DST: variants seen among roughly 807,000 people sequenced by gnomAD.
The protein encoded by DST is dystonin, also known as bullous pemphigoid antigen.
Under a neutral mutation model 875.2 loss-of-function variants are expected in DST, and 253 were observed. That is an observed-to-expected ratio of 0.29 (90% CI 0.26 to 0.32). The LOEUF (loss-of-function observed/expected upper bound fraction) is 0.32. Among genes scored for constraint, DST ranks in the 10% least tolerant of loss-of-function variants. The probability of loss-of-function intolerance (pLI) is 1.00; values close to 1 mark genes in which losing one functional copy is unlikely to be tolerated. For synonymous variants in DST, 3,124 were observed against 3,197.1 expected, an observed-to-expected ratio of 0.98 and a Z score of 0.77; for missense variants, 8,287 against 9,111.6, an observed-to-expected ratio of 0.91 and a Z score of 3.68.
rs536597033 is a variant in DST at position 56,568,739 on chromosome 6, T to C, written c.13879-144A>G. On this transcript the variant is annotated intron_variant, in intron 54 of 103. Coordinates refer to ENST00000680361, the MANE Select transcript of DST (RefSeq NM_001374736.1). ...AGTCGATGAAAGAAAAAGGCACCTA[T>C]TTGTTCCCACAGCCCAGGTGACTGT... The C allele has an allele frequency of 1.2e-5, 9 of 722,668 alleles. No individual in the cohort carries two copies. In the African/African-American group the frequency reaches 1.4e-4, roughly 12 times the overall value. 44.8% of individuals were successfully genotyped at this position (722,668 alleles called of 1,614,324 possible).
chr6:56,512,656 T>C (rs1010400754), intron 72 of DST, among the ~76,000 whole-genome samples: 2 of 152,218 alleles, frequency 1.3e-5, no homozygotes, highest in Non-Finnish European at 2.9e-5. Flanking sequence ...GTCACCAGGA[T>C]GGCCACATAC....
At chr6:56,939,973 C>T (rs1387937513) in intron 2 of DST, among the ~76,000 whole-genome samples, 1 of 151,832 alleles carries the variant, frequency 6.6e-6, no homozygotes, top group Non-Finnish European at 1.5e-5. Context: ...TTGCAGTGAG[C>T]CGAGATCGTG....
At chr6:56,648,755 T>C (rs1326425546) in intron 12 of DST, 66 bp from the exon 13 acceptor site, 18 of 1,346,446 alleles carry the variant, frequency 1.3e-5, no homozygotes, top group Non-Finnish European at 1.8e-5. Context: ...CTAAGACAAT[T>C]TAGTCAGAAG....
intron 62 of DST, among the ~76,000 whole-genome samples, chr6:56,535,982 T>C (rs1263426357): frequency 2.6e-5 from 4 of 152,254 alleles, no homozygotes; most frequent in Non-Finnish European, 5.9e-5. Context: ...TAAGGTGCAC[T>C]ACACATATGT....
chr6:56,629,233 C>CA lies in DST; in HGVS notation c.4475+16dup, dbSNP rs375131811. 5.6e-5 allele frequency: 90 copies of CA among 1,613,024 alleles called. No individual in the cohort carries two copies. In the African/African-American group the frequency reaches 1.1e-3, roughly 19 times the overall value. ...ACATTAAATCTGTGCTAAAACTGAA[C>CA]AAAAAAGGATACTAACCTGTTGTCA... On this transcript the variant is annotated intron_variant, in intron 32 of 103. Transcript: ENST00000680361.
intron 2 of DST, among the ~76,000 whole-genome samples, chr6:56,914,809 A>T (rs1410177085): frequency 2.0e-5 from 3 of 152,242 alleles, no homozygotes; most frequent in Non-Finnish European, 4.4e-5. Flanking sequence ...TAATGGCAAA[A>T]CACTGGGCAA....
At chr6:56,631,435 T>C (rs1390162557) in intron 29 of DST, 46 bp from the exon 30 acceptor site, 2 of 1,537,258 alleles carry the variant, frequency 1.3e-6, no homozygotes, top group Non-Finnish European at 1.8e-6. Context: ...TCACCTGTGA[T>C]GAGGTGTTTT....
Position 56,511,299 on chromosome 6 carries a change from G to T in DST, c.18678C>A (p.Ile6226=), listed in dbSNP as rs757661237. 1 of 1,605,478 alleles carries T rather than the reference G, an allele frequency of 6.2e-7. No individual in the cohort carries two copies. Among genetic ancestry groups the T allele is most frequent in the Middle Eastern group, 1.7e-4 (1 of 6,056 alleles). ...LELSPGEGFS[I]QEKYVAADTL... is the part of the protein sequence containing the mutation. ...TGTCGGCTGCCACATACTTCTCTTG[G>T]ATAGAAAAGCCTTCCCCAGGGCTCA... Residue 6226 remains isoleucine (I), a synonymous_variant, in exon 73 of 104, where the codon ATC becomes ATA. Coordinates refer to ENST00000680361, the MANE Select transcript of DST (RefSeq NM_001374736.1).
At chr6:56,843,318 G>A (rs1056200676) in intron 4 of DST, 2 of 1,224,756 alleles carry the variant, frequency 1.6e-6, no homozygotes, top group Admixed American at 4.1e-5. Flanking sequence ...GGGGCTGCCG[G>A]CGCCAGGGCC....
At chr6:56,794,070 G>T (rs1313025224) in intron 4 of DST, among the ~76,000 whole-genome samples, 1 of 152,138 alleles carries the variant, frequency 6.6e-6, no homozygotes, top group South Asian at 2.1e-4. Context: ...TGCAACAGAA[G>T]AGTTTAAATA....
chr6:56,466,962 A>C (rs531459778), intron 98 of DST: 140 of 152,336 alleles, frequency 9.2e-4, no homozygotes, highest in African/African-American at 3.3e-3. Flanking sequence ...TTGCCCTTTC[A>C]ATAGATCTCC....
At chr6:56,738,040 T>C (rs2099532246) in intron 4 of DST, among the ~76,000 whole-genome samples, 1 of 152,212 alleles carries the variant, frequency 6.6e-6, no homozygotes, top group South Asian at 2.1e-4. Flanking sequence ...CCTACTTTAA[T>C]GCCAATAAGA....
At position 56,561,447 on chromosome 6, in the gene DST, G is replaced by C; in HGVS notation, c.14171C>G (p.Ser4724Cys). ...TTCTTCCTGAGCCTTTTGCAATTTG[G>C]AGAGTTTAGTGTTCAGTTCCGCTAT... is the stretch of plus-strand genomic sequence containing the variant. ...DKIAELNTKLSKLQKAQEESS... is the reference protein window; with the variant it reads ...DKIAELNTKLCKLQKAQEESS... Residue 4724 changes from serine to cysteine, a missense_variant, in exon 57 of 104, where the codon TCC becomes TGC. Transcript: ENST00000680361. The C allele has an allele frequency of 6.2e-7, 1 of 1,613,888 alleles. No homozygotes were observed. The highest frequency in any genetic ancestry group is 1.7e-5 in the Admixed American group (1 of 60,002).
chr6:56,660,324 G>C (rs2099032475), intron 10 of DST, among the ~76,000 whole-genome samples: 1 of 152,184 alleles, frequency 6.6e-6, no homozygotes, highest in Non-Finnish European at 1.5e-5. Context: ...AAAAGGGATT[G>C]TGTGGAAGTG....
chr6:56,510,702 T>C (rs1003367981), intron 73 of DST, among the ~76,000 whole-genome samples: 2 of 152,144 alleles, frequency 1.3e-5, no homozygotes, highest in Admixed American at 6.5e-5. Flanking sequence ...GAAAACCAAA[T>C]CTTGAAAATG....
At chr6:56,765,607 A>G (rs1403804815) in intron 4 of DST, among the ~76,000 whole-genome samples, 4 of 152,210 alleles carry the variant, frequency 2.6e-5, no homozygotes, top group African/African-American at 9.7e-5. Flanking sequence ...AGGTGATGAG[A>G]GGCAGCAAAA....
intron 5 of DST, among the ~76,000 whole-genome samples, chr6:56,706,255 A>C (rs2152885855): frequency 6.6e-6 from 1 of 151,956 alleles, no homozygotes. Context: ...CGGAGGTTGC[A>C]GTGGGCCGAG....
At chr6:56,495,165 C>T (rs1426131672) in intron 82 of DST, among the ~76,000 whole-genome samples, 2 of 151,764 alleles carry the variant, frequency 1.3e-5, no homozygotes, top group African/African-American at 4.8e-5. Context: ...AGCTTTAAAT[C>T]CTAAAGCAAA....
chr6:56,597,256 T>C (rs906517100), intron 47 of DST, among the ~76,000 whole-genome samples: 13 of 149,938 alleles, frequency 8.7e-5, no homozygotes, highest in African/African-American at 3.2e-4. Flanking sequence ...AAAAAAAAGA[T>C]TGTTCTCTTA....
Sources: gnomAD v4.1 joint callset for allele counts (sites outside exome capture counted in the v4.1 genomes callset) on GRCh38, gnomAD v4.1.1 for gene constraint, MANE v1.5 for transcripts, NCBI Gene and HGNC (gene_info 2026-07-23, HGNC 2026-07-21) for gene names.